The following STK32A variants were observed in gnomAD, a reference collection of about 807,000 sequenced individuals.
The protein encoded by STK32A is serine/threonine kinase 32A, also known as serine/threonine-protein kinase 32A.
Under a neutral mutation model 53.2 loss-of-function variants are expected in STK32A, and 41 were observed. The observed-to-expected ratio is 0.77, with a 90% confidence interval of 0.60 to 1.00. STK32A has a LOEUF of 1.00. Among genes scored for constraint, STK32A ranks in the 50% least tolerant of loss-of-function variants. STK32A has a pLI of 0.00. For synonymous variants in STK32A, 166 were observed against 162.8 expected (o/e 1.02, Z -0.15); for missense variants, 458 against 485.8 (o/e 0.94, Z 0.54).
chr5:147,332,738 A>C (rs199606867), intron 5 of STK32A, among the ~76,000 whole-genome samples: 1 of 152,220 alleles, frequency 6.6e-6, no homozygotes, highest in Admixed American at 6.5e-5. Flanking sequence ...ACGGCAGTGC[A>C]GTAATGAGGG....
At chr5:147,315,600 G>A (rs1014232254) in intron 4 of STK32A, among the ~76,000 whole-genome samples, 3 of 152,152 alleles carry the variant, frequency 2.0e-5, no homozygotes, top group Non-Finnish European at 4.4e-5. Context: ...TTATTAAATG[G>A]GTATAGAGTT....
intron 11 of STK32A, among the ~76,000 whole-genome samples, chr5:147,377,559 C>G (rs1462720683): frequency 6.6e-6 from 1 of 152,004 alleles, no homozygotes; most frequent in African/African-American, 2.4e-5. Flanking sequence ...TCAGGTTCCT[C>G]CTTTCTTCAT....
In STK32A at chr5:147,248,276, G is replaced by C. The variant is rs867436264; in HGVS notation, c.52+8590G>C. On this transcript the variant is annotated intron_variant, in intron 2 of 12. Coordinates refer to ENST00000397936, the MANE Select transcript of STK32A (RefSeq NM_001112724.2). ...TCTTCATATGCCCTAGGAGATTTCT[G>C]ATATCCCCTCATAATACCCTGGCCT... 4.5e-4 allele frequency among the ~76,000 whole-genome samples: 68 copies of C among 152,066 alleles called. 1 individual carries two copies. The highest frequency in any genetic ancestry group is 2.5e-4 in the Non-Finnish European group (17 of 68,024).
chr5:147,359,890 A>C (rs968228227), intron 7 of STK32A, among the ~76,000 whole-genome samples: 1 of 152,204 alleles, frequency 6.6e-6, no homozygotes, highest in Non-Finnish European at 1.5e-5. Flanking sequence ...TGTTGTTCAC[A>C]GGATTTTACT....
At chr5:147,343,158 T>C in intron 6 of STK32A, 115 bp downstream of exon 6, 1 of 1,175,268 alleles carries the variant, frequency 8.5e-7, no homozygotes, top group Non-Finnish European at 1.3e-6. Context: ...TCATTCGAGC[T>C]CTACTTACAA....
chr5:147,249,866 T>C (rs1753906603), intron 2 of STK32A, among the ~76,000 whole-genome samples: 1 of 126,556 alleles, frequency 7.9e-6, no homozygotes, highest in Non-Finnish European at 1.6e-5. Flanking sequence ...TGAGCCGAGA[T>C]CTACTGCACT....
chr5:147,394,337 C>G, the STK32A span, among the ~76,000 whole-genome samples: 1 of 152,176 alleles, frequency 6.6e-6, no homozygotes, highest in Admixed American at 6.5e-5. Context: ...AAGCCAAGTT[C>G]TTATCTAGAT....
rs1415161352 is a variant in STK32A, at chr5:147,294,725, A to G, written c.260+15327A>G. On this transcript the variant is annotated intron_variant, in intron 4 of 12. Coordinates refer to ENST00000397936, the MANE Select transcript of STK32A (RefSeq NM_001112724.2). ...TTGAGATGGAGTCTCACTCTGTCGC[A>G]CAGACTGGAGTGCAATGGTGCGATC... 2.0e-5 allele frequency among the ~76,000 whole-genome samples: 3 copies of G among 148,876 alleles called. No homozygotes were observed. In the East Asian group the frequency reaches 6.0e-4, roughly 30 times the overall value.
In STK32A at chr5:147,384,707, TC is replaced by T. The variant is rs1757583444; in HGVS notation, c.*726del. The T allele has an allele frequency of 2.7e-6, 1 of 364,678 alleles. No homozygotes were observed. Among genetic ancestry groups the T allele is most frequent in the Non-Finnish European group, 4.9e-6 (1 of 203,768 alleles). The allele number at this position is 364,678 out of a possible 1,614,324, so 22.6% of individuals were successfully genotyped here. A position where few individuals can be genotyped will look rare whatever the true frequency, so the allele number is the denominator to read the frequency against. On this transcript the variant is annotated 3_prime_UTR_variant, in exon 13 of 13. Coordinates refer to ENST00000397936, the MANE Select transcript of STK32A (RefSeq NM_001112724.2). The stretch of plus-strand genomic sequence containing the variant: ...AACTGGTAAATGCTCGTTTTTTCCC[TC>T]CTAACAAGTGAATTGCTAAATATTA...
At chr5:147,383,293 C>G in intron 11 of STK32A, 148 bp from the exon 12 acceptor site, 1 of 694,214 alleles carries the variant, frequency 1.4e-6, no homozygotes, top group African/African-American at 1.9e-5. Flanking sequence ...CCGGAATCTT[C>G]TTCACATAGC....
chr5:147,312,173 T>C (rs1017750327), intron 4 of STK32A, among the ~76,000 whole-genome samples: 5 of 152,228 alleles, frequency 3.3e-5, no homozygotes, highest in Admixed American at 1.3e-4. Flanking sequence ...CAATCTTGGC[T>C]TACTGCAACC....
chr5:147,338,983 A>G (rs1465636692), intron 5 of STK32A, among the ~76,000 whole-genome samples: 1 of 152,250 alleles, frequency 6.6e-6, no homozygotes, highest in Non-Finnish European at 1.5e-5. Flanking sequence ...TGATGATGGA[A>G]TAGAAAAGAA....
chr5:147,381,579 G>T (rs989762795), intron 11 of STK32A, among the ~76,000 whole-genome samples: 4 of 151,674 alleles, frequency 2.6e-5, no homozygotes, highest in African/African-American at 9.7e-5. Context: ...AGAGGAGGAG[G>T]TTGCAGTGAG....
At chr5:147,346,360 C>T (rs1036872045) in intron 6 of STK32A, among the ~76,000 whole-genome samples, 4 of 152,144 alleles carry the variant, frequency 2.6e-5, no homozygotes, top group Admixed American at 2.0e-4. Context: ...TCTCTGGTGC[C>T]CCCTATGCGC....
chr5:147,344,684 G>A (rs937645066), intron 6 of STK32A, among the ~76,000 whole-genome samples: 1 of 152,214 alleles, frequency 6.6e-6, no homozygotes, highest in African/African-American at 2.4e-5. Context: ...AGGGAGAAGT[G>A]CTCCCCCTGC....
chr5:147,361,441 T>C (rs1756498444), intron 7 of STK32A, 76 bp from the exon 8 acceptor site: 1 of 979,352 alleles, frequency 1.0e-6, no homozygotes. Context: ...TAATTCTCCT[T>C]TGGAGGAACA....
At chr5:147,392,812 G>A (rs779874606), downstream of STK32A, 5 of 152,208 alleles carry the variant, frequency 3.3e-5, no homozygotes, top group African/African-American at 4.8e-5. Flanking sequence ...GAAACAGGTG[G>A]TTTGGAATGG....
At chr5:147,260,178 TC>T (rs1482784672) in intron 2 of STK32A, among the ~76,000 whole-genome samples, 5,038 of 18,480 alleles carry the variant, frequency 0.27, 602 homozygotes, top group African/African-American at 0.49. Context: ...TCTCTCTCTC[TC>T]CTCTCTCTCT....
At chr5:147,299,681 C>T (rs752429192) in intron 4 of STK32A, among the ~76,000 whole-genome samples, 6 of 152,086 alleles carry the variant, frequency 3.9e-5, no homozygotes, top group East Asian at 1.9e-4. Flanking sequence ...AATTGTTATC[C>T]GGGAGCATAG....
Sources: gnomAD v4.1 joint callset for allele counts (sites outside exome capture counted in the v4.1 genomes callset) on GRCh38, gnomAD v4.1.1 for gene constraint, MANE v1.5 for transcripts, NCBI Gene and HGNC (gene_info 2026-07-23, HGNC 2026-07-21) for gene names.